Variants in NTRK3 observed in about 807,000 individuals in gnomAD.
The protein encoded by NTRK3 is NT-3 growth factor receptor.
A neutral mutation model predicts 91.7 loss-of-function variants in NTRK3; 24 were observed. The observed-to-expected ratio is 0.26, with a 90% CI of 0.19 to 0.37. NTRK3 has a LOEUF of 0.37. Among genes scored for constraint, NTRK3 ranks in the 10% least tolerant of loss-of-function variants. NTRK3 has a pLI of 1.00. For missense variants in NTRK3, 880 were observed against 1,068.9 expected, an observed-to-expected ratio of 0.82 and a Z score of 2.46; for synonymous variants, 483 against 404.0, an observed-to-expected ratio of 1.20 and a Z score of -2.34.
intron 5 of NTRK3, among the ~76,000 whole-genome samples, chr15:88,177,935 C>T (rs542776906): frequency 6.6e-6 from 1 of 152,294 alleles, no homozygotes; most frequent in South Asian, 2.1e-4. Flanking sequence ...TCTTATTTTC[C>T]TTTCAAAGCT....
intron 13 of NTRK3, among the ~76,000 whole-genome samples, chr15:88,048,881 G>A (rs1044209515): frequency 2.0e-5 from 3 of 152,160 alleles, no homozygotes; most frequent in East Asian, 1.9e-4. Context: ...CCCCAGCACT[G>A]CTGTAAATAC....
At chr15:88,048,094 A>T (rs1228762649) in intron 13 of NTRK3, among the ~76,000 whole-genome samples, 1 of 152,180 alleles carries the variant, frequency 6.6e-6, no homozygotes, top group African/African-American at 2.4e-5. Context: ...ATATCATTTG[A>T]TGACAACGAC....
intron 16 of NTRK3, chr15:87,931,322 G>A (rs759984386): frequency 1.0e-4 from 46 of 452,172 alleles, no homozygotes; most frequent in Non-Finnish European, 1.6e-4. Context: ...GGGCTATCCC[G>A]AATATTGAGA....
chr15:88,197,866 AG>A (rs996638316), intron 3 of NTRK3, among the ~76,000 whole-genome samples: 15 of 152,116 alleles, frequency 9.9e-5, no homozygotes, highest in African/African-American at 3.6e-4. Flanking sequence ...TATTTTTGGA[AG>A]CGGTTTGTTA....
At chr15:87,876,857 G>C in exon 19 of NTRK3, 1 of 1,489,132 alleles carries the variant, frequency 6.7e-7, no homozygotes. Flanking sequence ...AGGATGGAAG[G>C]AGTTGTGAGG....
chr15:87,966,261 CAT>C (rs1021043205), intron 14 of NTRK3, among the ~76,000 whole-genome samples: 9 of 152,326 alleles, frequency 5.9e-5, no homozygotes, highest in East Asian at 3.9e-4. Context: ...AGCACACACA[CAT>C]GTCTAAAATT....
At position 87,940,790 on chromosome 15, in the gene NTRK3, G is replaced by A. The variant is rs201683043; in HGVS notation, c.1586-37C>T. 2.2e-5 allele frequency: 35 copies of A among 1,613,884 alleles called. No individual in the cohort carries two copies. The East Asian group carries it at 6.2e-4, about 29-fold the overall frequency. ...GGACAAAGAGGAGGGCAGCAAATCA[G>A]TCCTCGTTTGGTGACACAGGGAGAC... On this transcript the variant is annotated intron_variant, in intron 14 of 18. Transcript: ENST00000394480.
chr15:88,084,662 G>A (rs564651521), intron 13 of NTRK3, among the ~76,000 whole-genome samples: 7 of 152,290 alleles, frequency 4.6e-5, no homozygotes, highest in Admixed American at 2.0e-4. Flanking sequence ...CTCTCACCTT[G>A]TGAGTCTCCT....
chr15:88,190,764 C>T (rs1167903055), intron 3 of NTRK3, among the ~76,000 whole-genome samples: 2 of 152,152 alleles, frequency 1.3e-5, no homozygotes, highest in African/African-American at 4.8e-5. Context: ...AGAGCTTCTC[C>T]AGCCATCAGA....
chr15:88,100,026 G>T (rs1445409732), intron 13 of NTRK3, among the ~76,000 whole-genome samples: 1 of 152,122 alleles, frequency 6.6e-6, no homozygotes, highest in African/African-American at 2.4e-5. Context: ...TTAAACTACA[G>T]ATTGTTTAAG....
chr15:88,136,114 C>G lies in NTRK3; in HGVS notation c.766-74G>C, dbSNP rs558772682. 296 of 1,563,776 alleles carry G rather than the reference C, an allele frequency of 1.9e-4. 1 individual carries two copies. The South Asian group carries it at 1.9e-3, about 10-fold the overall frequency. ...GGCTCTGCTACCTAATCCCCAAATA[C>G]CTTTAGGAATCAAAAGGAAAGCTGA... is the stretch of plus-strand genomic sequence containing the variant. On this transcript the variant is annotated intron_variant, in intron 8 of 18. Coordinates refer to ENST00000394480, the Ensembl canonical transcript of NTRK3.
chr15:88,179,656 G>C (rs570988874), intron 5 of NTRK3, among the ~76,000 whole-genome samples: 1 of 152,240 alleles, frequency 6.6e-6, no homozygotes, highest in East Asian at 1.9e-4. Context: ...GGAAAGAGGG[G>C]CCAGCTGCAG....
In NTRK3 at chr15:87,900,690, G is replaced by GGTGTGTGTGTGTGT. The variant is rs61498493; in HGVS notation, c.2134-20276_2134-20263dup. 5.8e-5 allele frequency among the ~76,000 whole-genome samples: 8 copies of GGTGTGTGTGTGTGT among 138,336 alleles called. No homozygotes were observed. In the South Asian group the frequency reaches 7.2e-4, roughly 12 times the overall value. 90.8% of individuals were successfully genotyped at this position (138,336 alleles called of 152,430 possible). ...GCATCAGCAGCCTGACTTTACAGAG[G>GGTGTGTGTGTGTGT]GTGTGTGTGTGTGTGTGTGTGTGTG... On this transcript the variant is annotated intron_variant, in intron 17 of 18. Transcript: ENST00000394480.
chr15:87,915,473 C>G (rs965966668), intron 17 of NTRK3, among the ~76,000 whole-genome samples: 2 of 152,244 alleles, frequency 1.3e-5, no homozygotes, highest in African/African-American at 4.8e-5. Flanking sequence ...ACTAACTCCA[C>G]AATAGAAAAG....
intron 5 of NTRK3, among the ~76,000 whole-genome samples, chr15:88,148,829 A>G (rs1286644093): frequency 6.6e-6 from 1 of 152,180 alleles, no homozygotes; most frequent in Admixed American, 6.5e-5. Context: ...GGGAGTGGAG[A>G]TAATCAAGTG....
chr15:88,174,641 G>A (rs992506989), intron 5 of NTRK3, among the ~76,000 whole-genome samples: 3 of 152,240 alleles, frequency 2.0e-5, no homozygotes, highest in African/African-American at 7.2e-5. Context: ...AGCTCTAGCA[G>A]AAAGTCCAGG....
exon 19 of NTRK3, chr15:87,872,743 A>G (rs765838467): frequency 4.3e-5 from 10 of 232,584 alleles, no homozygotes; most frequent in Non-Finnish European, 7.6e-5. Flanking sequence ...TCTATAATCA[A>G]TCCTTTGCCA....
intron 17 of NTRK3, among the ~76,000 whole-genome samples, chr15:87,898,091 A>G (rs1356174191): frequency 1.3e-5 from 2 of 152,216 alleles, no homozygotes; most frequent in Admixed American, 6.5e-5. Flanking sequence ...TTGAATCTAA[A>G]TCTTCCTTGA....
intron 13 of NTRK3, among the ~76,000 whole-genome samples, chr15:88,111,758 T>C (rs2051382665): frequency 6.6e-6 from 1 of 152,220 alleles, no homozygotes; most frequent in Admixed American, 6.5e-5. Flanking sequence ...AAAAACAGAA[T>C]GATAATATCG....
Sources: gnomAD v4.1 joint callset for allele counts (sites outside exome capture counted in the v4.1 genomes callset) on GRCh38, gnomAD v4.1.1 for gene constraint, MANE v1.5 for transcripts, NCBI Gene and HGNC (gene_info 2026-07-23, HGNC 2026-07-21) for gene names.